TMEM74: variants seen among roughly 807,000 people sequenced by gnomAD.
TMEM74 encodes the protein transmembrane protein 74.
Under a neutral mutation model 18.1 loss-of-function variants are expected in TMEM74, and 13 were observed. The observed-to-expected ratio is 0.72, with a 90% CI of 0.47 to 1.14. The LOEUF is 1.14. Ranked by LOEUF, TMEM74 falls within the 50% of genes most tolerant of loss-of-function variation. TMEM74 has a pLI of 0.00. For synonymous variants in TMEM74, 159 were observed against 146.6 expected (o/e 1.08, Z -0.61); for missense variants, 372 against 375.9 (o/e 0.99, Z 0.09).
At chr8:108,775,386 C>T (rs912478183), downstream of TMEM74, among the ~76,000 whole-genome samples, 1 of 152,198 alleles carries the variant, frequency 6.6e-6, no homozygotes, top group African/African-American at 2.4e-5. Context: ...CTGTTTCCTA[C>T]TGCTACAAGT....
chr8:108,758,192 C>T (rs534589216), intron 1 of TMEM74, among the ~76,000 whole-genome samples: 12 of 151,642 alleles, frequency 7.9e-5, no homozygotes, highest in African/African-American at 2.4e-4. Flanking sequence ...TAAATAAAAC[C>T]ACAAAATAAA....
intron 1 of TMEM74, among the ~76,000 whole-genome samples, chr8:108,727,123 G>C (rs550719486): frequency 1.4e-4 from 21 of 152,182 alleles, no homozygotes; most frequent in Non-Finnish European, 2.5e-4. Context: ...GATCATCCAA[G>C]ATAGGAGAGG....
chr8:108,646,577 T>C (rs1196946310), intron 2 of TMEM74, among the ~76,000 whole-genome samples: 1 of 152,150 alleles, frequency 6.6e-6, no homozygotes, highest in African/African-American at 2.4e-5. Flanking sequence ...AGACTTGGAA[T>C]TCAGAATCTT....
At chr8:108,662,580 T>C (rs914034289) in intron 1 of TMEM74, among the ~76,000 whole-genome samples, 15 of 152,148 alleles carry the variant, frequency 9.9e-5, no homozygotes, top group Admixed American at 9.2e-4. Flanking sequence ...CTTCTGGATG[T>C]ATTACCATGG....
At chr8:108,765,211 C>A (rs1814090583) in intron 1 of TMEM74, among the ~76,000 whole-genome samples, 1 of 152,070 alleles carries the variant, frequency 6.6e-6, no homozygotes, top group Admixed American at 6.6e-5. Flanking sequence ...AGAATTTAGA[C>A]AATTCTGAGA....
chr8:108,690,848 T>C (rs1385637888), intron 1 of TMEM74, among the ~76,000 whole-genome samples: 1 of 151,656 alleles, frequency 6.6e-6, no homozygotes, highest in African/African-American at 2.4e-5. Context: ...ATAATAATAA[T>C]AAAGTGCCAG....
At chr8:108,732,924 T>C (rs1404148345) in intron 1 of TMEM74, among the ~76,000 whole-genome samples, 1 of 152,014 alleles carries the variant, frequency 6.6e-6, no homozygotes. Context: ...ATGGCTAATA[T>C]GCACTTTAAA....
At chr8:108,759,094 T>A (rs902649059) in intron 1 of TMEM74, among the ~76,000 whole-genome samples, 1 of 152,092 alleles carries the variant, frequency 6.6e-6, no homozygotes, top group African/African-American at 2.4e-5. Context: ...GAAGTAACAG[T>A]ATTAAAAATT....
At chr8:108,704,025 ACAG>A (rs1237256902) in intron 1 of TMEM74, among the ~76,000 whole-genome samples, 3 of 152,242 alleles carry the variant, frequency 2.0e-5, no homozygotes. Context: ...TAAGGAACTG[ACAG>A]CAGTGAAAAT....
At chr8:108,625,727 C>T (rs925868464) in intron 2 of TMEM74, among the ~76,000 whole-genome samples, 7 of 151,950 alleles carry the variant, frequency 4.6e-5, no homozygotes, top group Admixed American at 4.6e-4. Context: ...TGTTGTCTTG[C>T]TCTTGATAAA....
At chr8:108,731,545 A>C (rs1407482780) in intron 1 of TMEM74, among the ~76,000 whole-genome samples, 1 of 152,034 alleles carries the variant, frequency 6.6e-6, no homozygotes, top group Non-Finnish European at 1.5e-5. Flanking sequence ...GGACACACTA[A>C]ATTACTGGGA....
chr8:108,753,513 T>G (rs769779281), intron 1 of TMEM74, among the ~76,000 whole-genome samples: 5 of 152,148 alleles, frequency 3.3e-5, no homozygotes, highest in Non-Finnish European at 7.4e-5. Flanking sequence ...ATGGCAACTT[T>G]AGGTGTTTCT....
intron 1 of TMEM74, among the ~76,000 whole-genome samples, chr8:108,700,230 A>G (rs1813322445): frequency 6.6e-6 from 1 of 151,738 alleles, no homozygotes; most frequent in South Asian, 2.1e-4. Context: ...GGAAGCTTCT[A>G]ATAAGAAACT....
intron 1 of TMEM74, among the ~76,000 whole-genome samples, chr8:108,726,032 A>G (rs1378513148): frequency 1.3e-5 from 2 of 152,200 alleles, no homozygotes; most frequent in East Asian, 3.8e-4. Context: ...TAAGGATTGT[A>G]ATACACAATA....
chr8:108,632,272 G>GA (rs1468119624), intron 2 of TMEM74, among the ~76,000 whole-genome samples: 2 of 152,032 alleles, frequency 1.3e-5, no homozygotes, highest in South Asian at 2.1e-4. Context: ...TGATAGGACA[G>GA]AAAAAATGCT....
At chr8:108,717,868 T>C (rs1482785785) in intron 1 of TMEM74, among the ~76,000 whole-genome samples, 2 of 150,890 alleles carry the variant, frequency 1.3e-5, no homozygotes, top group Non-Finnish European at 3.0e-5. Context: ...TCAGGGGCAT[T>C]TTAAGGACTT....
chr8:108,670,403 T>A (rs1478177905), intron 1 of TMEM74, among the ~76,000 whole-genome samples: 1 of 152,204 alleles, frequency 6.6e-6, no homozygotes, highest in Non-Finnish European at 1.5e-5. Context: ...TCCAGTATCA[T>A]GTGTTGTGTA....
chr8:108,751,161 A>G (rs892278731), intron 1 of TMEM74, among the ~76,000 whole-genome samples: 1 of 152,148 alleles, frequency 6.6e-6, no homozygotes, highest in African/African-American at 2.4e-5. Context: ...ATGGTATATG[A>G]ACTCTAACAG....
intron 1 of TMEM74, among the ~76,000 whole-genome samples, chr8:108,709,087 A>G (rs183198401): frequency 1.4e-4 from 21 of 152,304 alleles, no homozygotes; most frequent in Admixed American, 1.3e-3. Flanking sequence ...TGAGAATGTA[A>G]AATTTTGCAG....
Sources: gnomAD v4.1 joint callset for allele counts (sites outside exome capture counted in the v4.1 genomes callset) on GRCh38, gnomAD v4.1.1 for gene constraint, MANE v1.5 for transcripts, NCBI Gene and HGNC (gene_info 2026-07-23, HGNC 2026-07-21) for gene names.